The following CD4 variants were observed in gnomAD, a reference collection of about 807,000 sequenced individuals.
The protein encoded by CD4 is T-cell surface glycoprotein CD4.
Under a neutral mutation model 50.5 loss-of-function variants are expected in CD4, and 25 were observed. The ratio of observed to expected loss-of-function variants is 0.49; its 90% confidence interval spans 0.36 to 0.69. CD4 has a LOEUF of 0.69. Ranked by LOEUF, CD4 falls within the 30% of genes least tolerant of loss-of-function variation. The pLI, the probability that CD4 is intolerant of heterozygous loss-of-function variation, is 0.00. For missense variants in CD4, 456 were observed against 548.5 expected (o/e 0.83, Z 1.68); for synonymous variants, 207 against 221.9 (o/e 0.93, Z 0.60).
At chr12:6,799,156 TG>T (rs1443326649) in intron 1 of CD4, 3 of 152,300 alleles carry the variant, frequency 2.0e-5, no homozygotes, top group East Asian at 3.9e-4. Context: ...AAGTTGTTGG[TG>T]CCGCAAACAA....
In CD4 at chr12:6,817,887, A is replaced by G. The variant is rs781990823; in HGVS notation, c.1157-534A>G. On this transcript the variant is annotated intron_variant, in intron 7 of 9. Transcript: ENST00000011653. ...CATGCATGCACACACACACTTACAC[A>G]TTCACGCACATACTCTCACCCACAC... Among the ~76,000 whole-genome samples the G allele has an allele frequency of 3.6e-4, 54 of 151,914 alleles. No individual in the cohort carries two copies. The East Asian group carries it at 0.01, about 28-fold the overall frequency.
chr12:6,798,202 C>A (rs1448842372), intron 1 of CD4, among the ~76,000 whole-genome samples: 1 of 138,730 alleles, frequency 7.2e-6, no homozygotes, highest in Non-Finnish European at 1.6e-5. Flanking sequence ...CAGAGTCTTG[C>A]TCTGTCGCCC....
rs782662083 is a variant in CD4 at position 6,818,613 on chromosome 12, A to C, written c.1278+71A>C. ...AGTCCTCTACCAGGAGATCCTGTAT[A>C]TGGGAACTGATTTTGGCCCAGCTCC... On this transcript the variant is annotated intron_variant, in intron 8 of 9. Coordinates refer to ENST00000011653, the MANE Select transcript of CD4 (RefSeq NM_000616.5). The surrounding 1 kb of genome is among the most constrained non-coding windows in gnomAD (Gnocchi z 5.0). The C allele has an allele frequency of 1.3e-6, 2 of 1,589,082 alleles. No individual in the cohort carries two copies. Among genetic ancestry groups the C allele is most frequent in the African/African-American group, 1.3e-5 (1 of 74,360 alleles).
intron 5 of CD4, 184 bp downstream of exon 5, chr12:6,815,176 T>C (rs1459931608): frequency 1.2e-5 from 7 of 575,742 alleles, no homozygotes; most frequent in Non-Finnish European, 2.2e-5. Context: ...AGGGGGCTGA[T>C]TGGCAGCCAC....
chr12:6,820,398 C>T lies in CD4; in HGVS notation c.*1069C>T, dbSNP rs1397903781. On this transcript the variant is annotated 3_prime_UTR_variant, in exon 10 of 10. Transcript: ENST00000011653. ...GGAGAGAATGCCCAGTGACCAGTCA[C>T]TGACCCTGTGCAGAACCTCCTGGAA... 1 of 152,342 alleles carries T rather than the reference C, an allele frequency of 6.6e-6. No homozygotes were observed. The highest frequency in any genetic ancestry group is 1.5e-5 in the Non-Finnish European group (1 of 68,096). The allele number at this position is 152,342 out of a possible 1,614,324, so 9.4% of individuals were successfully genotyped here. A position where few individuals can be genotyped will look rare whatever the true frequency, so the allele number is the denominator to read the frequency against.
At chr12:6,794,191 G>A (rs1243181171) in intron 1 of CD4, among the ~76,000 whole-genome samples, 3 of 149,728 alleles carry the variant, frequency 2.0e-5, no homozygotes, top group Non-Finnish European at 4.4e-5. Context: ...TCCTACCTCA[G>A]CCTCCTCAGT....
rs1555118763 is a variant in CD4, at chr12:6,819,731, G to A, written c.*402G>A. On this transcript the variant is annotated 3_prime_UTR_variant, in exon 10 of 10. Transcript: ENST00000011653. ...CAAGACAGGACCCTGGGACCACAGAGGGCAGGAACTTGCACAAAATCACAC... is the reference window on the plus strand; with the variant it reads ...CAAGACAGGACCCTGGGACCACAGAAGGCAGGAACTTGCACAAAATCACAC... 1.5e-5 allele frequency: 3 copies of A among 203,094 alleles called. No homozygotes were observed. Among genetic ancestry groups the A allele is most frequent in the Admixed American group, 5.6e-5 (1 of 17,906 alleles). The allele number at this position is 203,094 out of a possible 1,614,324, so 12.6% of individuals were successfully genotyped here. A position where few individuals can be genotyped will look rare whatever the true frequency, so the allele number is the denominator to read the frequency against.
intron 1 of CD4, among the ~76,000 whole-genome samples, chr12:6,793,687 TCTATCTATCTATCTA>T (rs1942251092): frequency 3.0e-5 from 3 of 100,242 alleles, no homozygotes; most frequent in African/African-American, 1.3e-4. Flanking sequence ...TATCTATCTA[TCTATCTATCTATCTA>T]TCTTTTTTTT....
intron 1 of CD4, among the ~76,000 whole-genome samples, chr12:6,791,040 G>GGACA (rs1179173110): frequency 2.6e-5 from 4 of 152,310 alleles, no homozygotes; most frequent in Non-Finnish European, 5.9e-5. Flanking sequence ...GAGCCCCTGA[G>GGACA]GACAGCGTTA....
At chr12:6,790,684 GA>G (rs1443086462) in intron 1 of CD4, among the ~76,000 whole-genome samples, 6 of 152,166 alleles carry the variant, frequency 3.9e-5, no homozygotes, top group Non-Finnish European at 7.3e-5. Context: ...TCCGCCCTCA[GA>G]CCTTTCCAGC....
In CD4 at chr12:6,817,990, G is replaced by A. The variant is rs570256325; in HGVS notation, c.1157-431G>A. Among the ~76,000 whole-genome samples, 593 of 150,016 alleles carry A rather than the reference G, an allele frequency of 4.0e-3. 2 individuals are homozygous for A. Among genetic ancestry groups the A allele is most frequent in the Middle Eastern group, 7.0e-3 (2 of 286 alleles). On this transcript the variant is annotated intron_variant, in intron 7 of 9. Coordinates refer to ENST00000011653, the MANE Select transcript of CD4 (RefSeq NM_000616.5). ...TATTCACACATGTGCACACACGCGC[G>A]CGCACATGCATGCAGTCACGCACAC...
intron 3 of CD4, among the ~76,000 whole-genome samples, chr12:6,807,938 G>T (rs994725806): frequency 4.8e-4 from 73 of 152,064 alleles, no homozygotes; most frequent in African/African-American, 1.5e-3. Flanking sequence ...AAATTAGCTG[G>T]GCGTGGTGGC....
rs10849524 is a variant in CD4 at position 6,815,131 on chromosome 12, C to T, written c.607+139C>T. Reference sequence around the variant, plus strand: ...AAGACTAGGTCCCCTAGAGCTGAGGCCTGTCTTGAAGGACTCACTGGGGCC... The same window carrying T: ...AAGACTAGGTCCCCTAGAGCTGAGGTCTGTCTTGAAGGACTCACTGGGGCC... On this transcript the variant is annotated intron_variant, in intron 5 of 9. Transcript: ENST00000011653. The T allele has an allele frequency of 0.52, 341,529 of 650,978 alleles. 91,857 individuals carry two copies. The highest frequency in any genetic ancestry group is 0.69 in the East Asian group (24,460 of 35,620). 40.3% of individuals were successfully genotyped at this position (650,978 alleles called of 1,614,324 possible).
Position 6,816,129 on chromosome 12 carries a change from T to A in CD4, c.681T>A (p.Phe227Leu). 1.9e-6 allele frequency: 3 copies of A among 1,614,154 alleles called. No homozygotes were observed. The highest frequency in any genetic ancestry group is 2.5e-6 in the Non-Finnish European group (3 of 1,180,012). The change falls in exon 6 of 10, where the codon TTT becomes TTA. Residue 227 changes from phenylalanine to leucine, a missense_variant. By Grantham distance (22) the Phe-to-Leu change is conservative. Transcript: ENST00000011653. The surrounding 1 kb of genome is among the most constrained non-coding windows in gnomAD (Gnocchi z 4.9). ...EQVEFSFPLA[F>L]TVEKLTGSGE... The stretch of plus-strand genomic sequence containing the variant: ...TGGAGTTCTCCTTCCCACTCGCCTT[T>A]ACAGTTGAAAAGCTGACGGGCAGTG...
rs1471291245 is a variant in CD4, at chr12:6,792,047, T to C, written c.-68+2385T>C. Among the ~76,000 whole-genome samples the C allele has an allele frequency of 1.3e-5, 2 of 151,974 alleles. No individual in the cohort carries two copies. Among genetic ancestry groups the C allele is most frequent in the Non-Finnish European group, 2.9e-5 (2 of 67,980 alleles). ...GAGGCGAAGAAGAGGATGGCGGAGG[T>C]TGCAGCCACCAACCACAAGAGTTCC... is the stretch of plus-strand genomic sequence containing the variant. On this transcript the variant is annotated intron_variant, in intron 1 of 9. Coordinates refer to ENST00000011653, the MANE Select transcript of CD4 (RefSeq NM_000616.5). This position sits in a 1 kb window ranked among gnomAD's most constrained non-coding sequence, Gnocchi z 4.1.
At position 6,820,449 on chromosome 12, in the gene CD4, G is replaced by C. The variant is rs1943238722; in HGVS notation, c.*1120G>C. On this transcript the variant is annotated 3_prime_UTR_variant, in exon 10 of 10. Coordinates refer to ENST00000011653, the MANE Select transcript of CD4 (RefSeq NM_000616.5). ...GCGAGCTTTGCTGGGAGAGGGGGTA[G>C]CTAGCCTGAGAGGGAACCCTCTAAG... 6.6e-6 allele frequency: 1 copy of C among 152,320 alleles called. No individual in the cohort carries two copies. The highest frequency in any genetic ancestry group is 6.5e-5 in the Admixed American group (1 of 15,278). 9.4% of individuals were successfully genotyped at this position (152,320 alleles called of 1,614,324 possible).
chr12:6,797,447 G>A (rs1006700781), intron 1 of CD4, among the ~76,000 whole-genome samples: 43 of 152,136 alleles, frequency 2.8e-4, no homozygotes, highest in African/African-American at 9.7e-4. Context: ...TTCTCGCAAG[G>A]TGGAGACAAG....
intron 3 of CD4, among the ~76,000 whole-genome samples, chr12:6,810,152 A>C (rs887072778): frequency 6.7e-6 from 1 of 149,570 alleles, no homozygotes; most frequent in Non-Finnish European, 1.5e-5. Flanking sequence ...GGCCTCCCAG[A>C]GTGCTGGGAT....
rs568113581 is a variant in CD4, at chr12:6,801,600, G to A, written c.214+1129G>A. Among the ~76,000 whole-genome samples the A allele has an allele frequency of 4.9e-3, 732 of 150,738 alleles. 6 individuals carry two copies. Among genetic ancestry groups the A allele is most frequent in the Middle Eastern group, 0.024 (7 of 288 alleles). ...TTTTGAGACAGAGTCTCGTTCTGTCGCCCAGGCTGGAGTGCGGTGGCGTGA... is the reference window on the plus strand; with the variant it reads ...TTTTGAGACAGAGTCTCGTTCTGTCACCCAGGCTGGAGTGCGGTGGCGTGA... On this transcript the variant is annotated intron_variant, in intron 3 of 9. Coordinates refer to ENST00000011653, the MANE Select transcript of CD4 (RefSeq NM_000616.5).
Sources: allele counts gnomAD v4.1 joint callset (sites outside exome capture counted in the v4.1 genomes callset), GRCh38; gene constraint gnomAD v4.1.1; non-coding constraint Gnocchi (gnomAD v3.1); transcripts MANE v1.5; gene names NCBI Gene and HGNC (gene_info 2026-07-23, HGNC 2026-07-21).